RABGAP1: variants seen among roughly 807,000 people sequenced by gnomAD.
The protein encoded by RABGAP1 is rab GTPase-activating protein 1.
RABGAP1 carries 23 observed loss-of-function variants against 137.6 expected under a neutral mutation model. The observed-to-expected ratio is 0.17, with a 90% confidence interval of 0.12 to 0.24. The LOEUF (loss-of-function observed/expected upper bound fraction) is 0.24, where lower values mean the gene tolerates loss of function less well. Ranked by LOEUF, RABGAP1 falls within the 10% of genes least tolerant of loss-of-function variation. The probability of loss-of-function intolerance (pLI) is 1.00; values close to 1 mark genes in which losing one functional copy is unlikely to be tolerated. For missense variants in RABGAP1, 906 were observed against 1,275.8 expected (o/e 0.71, Z 4.42); for synonymous variants, 451 against 450.7 (o/e 1.00, Z -0.01).
intron 23 of RABGAP1, 127 bp downstream of exon 23, chr9:123,098,925 C>G (rs975952684): frequency 1.7e-6 from 1 of 594,818 alleles, no homozygotes; most frequent in Non-Finnish European, 3.0e-6. Context: ...GGCTCTGCCC[C>G]TGCACTGACA....
chr9:123,089,739 C>G lies in RABGAP1; in HGVS notation c.2425-19C>G, dbSNP rs1376231194. Reference sequence around the variant, plus strand: ...TACTTTCTAATACTTCTTAATTTACCCTATGATTTATCCTACAGATTAGTC... The same window carrying G: ...TACTTTCTAATACTTCTTAATTTACGCTATGATTTATCCTACAGATTAGTC... On this transcript the variant is annotated intron_variant, in intron 19 of 25. Coordinates refer to ENST00000373647, the MANE Select transcript of RABGAP1 (RefSeq NM_012197.4). The G allele has an allele frequency of 6.3e-7, 1 of 1,592,580 alleles. No homozygotes were observed. Among genetic ancestry groups the G allele is most frequent in the Admixed American group, 1.7e-5 (1 of 59,646 alleles).
chr9:122,955,520 A>G (rs1266840148), intron 1 of RABGAP1, among the ~76,000 whole-genome samples: 1 of 152,240 alleles, frequency 6.6e-6, no homozygotes, highest in African/African-American at 2.4e-5. Flanking sequence ...TAGTTTAAAT[A>G]AAAGGCAGCA....
chr9:123,028,307 A>G (rs2032099900), intron 13 of RABGAP1, among the ~76,000 whole-genome samples: 1 of 152,242 alleles, frequency 6.6e-6, no homozygotes, highest in Non-Finnish European at 1.5e-5. Flanking sequence ...CCTCATGGAT[A>G]TGCCCATAAA....
intron 21 of RABGAP1, among the ~76,000 whole-genome samples, chr9:123,095,864 T>C (rs1176180028): frequency 6.6e-6 from 1 of 152,258 alleles, no homozygotes; most frequent in Non-Finnish European, 1.5e-5. Flanking sequence ...TTTCCAACTA[T>C]TGTTTTTCCC....
intron 1 of RABGAP1, among the ~76,000 whole-genome samples, chr9:122,954,924 T>C (rs1834429862): frequency 6.6e-6 from 1 of 151,926 alleles, no homozygotes; most frequent in Admixed American, 6.6e-5. Flanking sequence ...TGTGACAAAT[T>C]AAAAGGCACT....
intron 13 of RABGAP1, among the ~76,000 whole-genome samples, chr9:123,050,563 T>TA (rs2033409486): frequency 6.6e-6 from 1 of 152,250 alleles, no homozygotes; most frequent in Admixed American, 6.5e-5. Flanking sequence ...TTTATATAAT[T>TA]ACATTCTTCA....
chr9:123,096,129 C>T (rs756374211), intron 21 of RABGAP1, among the ~76,000 whole-genome samples: 9 of 151,724 alleles, frequency 5.9e-5, no homozygotes, highest in East Asian at 1.9e-4. Flanking sequence ...CTTGTTCTGT[C>T]GCTTCCTGAG....
At chr9:123,020,626 CAT>C (rs1375158945) in intron 13 of RABGAP1, among the ~76,000 whole-genome samples, 167 bp downstream of exon 13, 1 of 152,134 alleles carries the variant, frequency 6.6e-6, no homozygotes, top group African/African-American at 2.4e-5. Context: ...ACGAAGAAGT[CAT>C]AGTTTTTTCT....
intron 13 of RABGAP1, among the ~76,000 whole-genome samples, chr9:123,032,607 T>C (rs1284451682): frequency 6.6e-6 from 1 of 152,194 alleles, no homozygotes; most frequent in East Asian, 1.9e-4. Context: ...GAAAGTTGGA[T>C]CACATGTTTT....
chr9:123,087,242 C>T (rs1335228439), intron 19 of RABGAP1, among the ~76,000 whole-genome samples: 1 of 152,138 alleles, frequency 6.6e-6, no homozygotes, highest in Non-Finnish European at 1.5e-5. Flanking sequence ...CAACATATAT[C>T]TATGGGGAAA....
intron 21 of RABGAP1, among the ~76,000 whole-genome samples, chr9:123,094,293 A>G: frequency 6.6e-6 from 1 of 152,200 alleles, no homozygotes; most frequent in East Asian, 1.9e-4. Context: ...TAGAGTGGAC[A>G]TCATTGCCTG....
intron 1 of RABGAP1, among the ~76,000 whole-genome samples, chr9:122,950,836 A>G (rs1834206166): frequency 6.6e-6 from 1 of 152,238 alleles, no homozygotes; most frequent in Non-Finnish European, 1.5e-5. Context: ...TGAGATAGCC[A>G]GTGAAAAGAA....
At chr9:122,987,186 C>T (rs1836417350) in intron 4 of RABGAP1, among the ~76,000 whole-genome samples, 1 of 152,054 alleles carries the variant, frequency 6.6e-6, no homozygotes. Flanking sequence ...CACAGAGAAG[C>T]CTCTAGCTGT....
intron 13 of RABGAP1, among the ~76,000 whole-genome samples, chr9:123,041,666 G>A (rs571241770): frequency 1.1e-3 from 165 of 152,290 alleles, no homozygotes; most frequent in Non-Finnish European, 1.8e-3. Flanking sequence ...CAGAATTTTG[G>A]AATATGGAAA....
At chr9:122,941,517 A>G (rs542798102) in intron 1 of RABGAP1, among the ~76,000 whole-genome samples, 2 of 152,200 alleles carry the variant, frequency 1.3e-5, no homozygotes, top group South Asian at 2.1e-4. Context: ...CTAGGCCTGT[A>G]TCTGTGACTT....
chr9:123,016,362 C>T (rs1323768368), intron 12 of RABGAP1, among the ~76,000 whole-genome samples: 1 of 152,006 alleles, frequency 6.6e-6, no homozygotes, highest in Admixed American at 6.6e-5. Flanking sequence ...AAAAAGTTAA[C>T]TGGGCGTGGT....
chr9:122,937,513 C>T (rs1432733411), upstream of RABGAP1: 3 of 152,224 alleles, frequency 2.0e-5, no homozygotes, highest in Non-Finnish European at 2.9e-5. Flanking sequence ...AGGAGAATTG[C>T]TTGAACCTGG....
At chr9:122,951,864 C>G (rs1410570953) in intron 1 of RABGAP1, among the ~76,000 whole-genome samples, 2 of 152,184 alleles carry the variant, frequency 1.3e-5, no homozygotes, top group Non-Finnish European at 2.9e-5. Flanking sequence ...TGAGCCACTG[C>G]TCCTGGCTAA....
chr9:123,008,600 T>G (rs2030519972), intron 10 of RABGAP1, among the ~76,000 whole-genome samples: 1 of 150,982 alleles, frequency 6.6e-6, no homozygotes, highest in Non-Finnish European at 1.5e-5. Context: ...AGGATACCAA[T>G]TGTCTGATGT....
Sources: gnomAD v4.1 joint callset for allele counts (sites outside exome capture counted in the v4.1 genomes callset) on GRCh38, gnomAD v4.1.1 for gene constraint, MANE v1.5 for transcripts, NCBI Gene and HGNC (gene_info 2026-07-23, HGNC 2026-07-21) for gene names.